Variants in MYZAP observed in about 807,000 individuals in gnomAD.
The protein encoded by MYZAP is GRINL1A complex locus upstream.
MYZAP carries 66 observed loss-of-function variants against 69.4 expected under a neutral mutation model. That is an observed-to-expected ratio of 0.95 (90% CI 0.78 to 1.17). The LOEUF (loss-of-function observed/expected upper bound fraction) is 1.17. Ranked by LOEUF, MYZAP falls within the 50% of genes most tolerant of loss-of-function variation. The pLI is 0.00. For synonymous variants in MYZAP, 256 were observed against 205.9 expected (o/e 1.24, Z -2.09); for missense variants, 611 against 556.2 (o/e 1.10, Z -0.99).
Position 57,684,672 on chromosome 15 carries a change from C to T in MYZAP, c.*174C>T, listed in dbSNP as rs2039609388. 2 of 568,506 alleles carry T rather than the reference C, an allele frequency of 3.5e-6. No individual in the cohort carries two copies. Among genetic ancestry groups the T allele is most frequent in the African/African-American group, 3.8e-5 (2 of 53,312 alleles). 35.2% of individuals were successfully genotyped at this position (568,506 alleles called of 1,614,324 possible). Reference sequence around the variant, plus strand: ...GGAAGGAAAGTGAAGGCAGAGTGAGCAGGTAAGAGAGGGATATACAAGGTC... The same window carrying T: ...GGAAGGAAAGTGAAGGCAGAGTGAGTAGGTAAGAGAGGGATATACAAGGTC... On this transcript the variant is annotated 3_prime_UTR_variant, in exon 13 of 13. Transcript: ENST00000267853.
intron 11 of MYZAP, among the ~76,000 whole-genome samples, chr15:57,666,997 T>C: frequency 6.6e-6 from 1 of 152,194 alleles, no homozygotes; most frequent in Non-Finnish European, 1.5e-5. Context: ...TTCATAAGCT[T>C]TCTGAAACTC....
At chr15:57,618,624 G>A (rs1213572960) in intron 3 of MYZAP, among the ~76,000 whole-genome samples, 1 of 152,194 alleles carries the variant, frequency 6.6e-6, no homozygotes, top group Non-Finnish European at 1.5e-5. Flanking sequence ...GCCAATCAAT[G>A]CCATTTCCTT....
intron 10 of MYZAP, among the ~76,000 whole-genome samples, chr15:57,657,416 T>G (rs1313369686): frequency 6.6e-6 from 1 of 152,174 alleles, no homozygotes; most frequent in African/African-American, 2.4e-5. Context: ...AAAACAAACT[T>G]TAACCCTACC....
At position 57,596,981 on chromosome 15, in the gene MYZAP, G is replaced by A. The variant is rs142615290; in HGVS notation, c.75+4872G>A. Among the ~76,000 whole-genome samples, 6 of 152,262 alleles carry A rather than the reference G, an allele frequency of 3.9e-5. No homozygotes were observed. The East Asian group carries it at 1.2e-3, about 29-fold the overall frequency. The stretch of plus-strand genomic sequence containing the variant: ...GAACCACCCCTCCCCAGGCCTGGTG[G>A]AATAGGCAGTTAAAAACAGAAATCT... On this transcript the variant is annotated intron_variant, in intron 1 of 12. Transcript: ENST00000267853.
At chr15:57,626,549 T>C (rs2140416197) in intron 5 of MYZAP, among the ~76,000 whole-genome samples, 1 of 152,206 alleles carries the variant, frequency 6.6e-6, no homozygotes, top group East Asian at 1.9e-4. Flanking sequence ...TGCAAATTAA[T>C]TTGAAAATGT....
At position 57,631,092 on chromosome 15, in the gene MYZAP, G is replaced by A. The variant is rs138633844; in HGVS notation, c.678+1238G>A. 3.5e-3 allele frequency among the ~76,000 whole-genome samples: 536 copies of A among 152,300 alleles called. 2 individuals are homozygous for A. The highest frequency in any genetic ancestry group is 0.012 in the African/African-American group (519 of 41,568). ...TCTAATAGGGCAGCTCTTCTTTTCC[G>A]TGTAAGAGTTACTTTCTCAGTAAGA... is the stretch of plus-strand genomic sequence containing the variant. On this transcript the variant is annotated intron_variant, in intron 6 of 12. Transcript: ENST00000267853.
intron 1 of MYZAP, among the ~76,000 whole-genome samples, chr15:57,595,612 C>T (rs78969052): frequency 2.0e-5 from 3 of 148,868 alleles, no homozygotes; most frequent in African/African-American, 7.4e-5. Flanking sequence ...CGGCACAATA[C>T]TTACTGCCGA....
At chr15:57,592,147 C>T (rs1595838110) in intron 1 of MYZAP, 38 bp downstream of exon 1, 2 of 1,281,866 alleles carry the variant, frequency 1.6e-6, no homozygotes, top group African/African-American at 1.6e-5. Flanking sequence ...CGTCCCGTTC[C>T]CCCATCCCGG....
chr15:57,621,022 A>C (rs1240995888), intron 3 of MYZAP, among the ~76,000 whole-genome samples: 1 of 148,044 alleles, frequency 6.8e-6, no homozygotes, highest in South Asian at 2.1e-4. Flanking sequence ...GATATATTCT[A>C]TATTAATATA....
intron 2 of MYZAP, 133 bp downstream of exon 2, chr15:57,604,488 C>T: frequency 2.3e-6 from 2 of 870,052 alleles, no homozygotes; most frequent in Non-Finnish European, 1.8e-6. Flanking sequence ...CCCTCTCAAC[C>T]TTCCCACCTC....
chr15:57,634,547 G>C (rs1053270769), intron 8 of MYZAP, among the ~76,000 whole-genome samples: 8 of 152,264 alleles, frequency 5.3e-5, no homozygotes, highest in Admixed American at 5.2e-4. Context: ...GGCAGAGGTG[G>C]GGCAGCAAGA....
At chr15:57,678,468 C>G (rs759550881) in intron 12 of MYZAP, among the ~76,000 whole-genome samples, 6 of 152,126 alleles carry the variant, frequency 3.9e-5, no homozygotes, top group Admixed American at 3.9e-4. Flanking sequence ...TAACTAAACC[C>G]AAACTCTGAT....
intron 2 of MYZAP, 60 bp downstream of exon 2, chr15:57,604,415 CT>C: frequency 6.3e-7 from 1 of 1,582,522 alleles, no homozygotes; most frequent in Non-Finnish European, 8.7e-7. Context: ...TTAACCCACT[CT>C]CCCATCTCCT....
intron 12 of MYZAP, among the ~76,000 whole-genome samples, chr15:57,675,337 C>T (rs1238593492): frequency 1.3e-5 from 2 of 152,082 alleles, no homozygotes; most frequent in African/African-American, 4.8e-5. Flanking sequence ...TCCTTCCTTC[C>T]TTCCTTCATT....
chr15:57,661,865 A>G (rs994841265), intron 11 of MYZAP, among the ~76,000 whole-genome samples: 1 of 152,222 alleles, frequency 6.6e-6, no homozygotes, highest in Non-Finnish European at 1.5e-5. Flanking sequence ...ATGTTCATAT[A>G]CATTCCTTAC....
chr15:57,666,817 A>G (rs184868448), intron 11 of MYZAP, among the ~76,000 whole-genome samples: 1 of 152,296 alleles, frequency 6.6e-6, no homozygotes, highest in African/African-American at 2.4e-5. Context: ...CTCTGATTCT[A>G]AAATAAATGT....
intron 7 of MYZAP, among the ~76,000 whole-genome samples, chr15:57,632,839 T>G (rs575114717): frequency 2.0e-5 from 3 of 152,314 alleles, no homozygotes; most frequent in Admixed American, 2.0e-4. Flanking sequence ...AAGCAAACCC[T>G]GGGCTTGCCC....
intron 11 of MYZAP, among the ~76,000 whole-genome samples, chr15:57,672,728 G>A (rs1466958784): frequency 6.6e-6 from 1 of 152,168 alleles, no homozygotes; most frequent in East Asian, 1.9e-4. Flanking sequence ...ACACACCTGT[G>A]TAATGCAATA....
chr15:57,629,172 T>G (rs546434148), intron 5 of MYZAP, among the ~76,000 whole-genome samples: 3 of 151,938 alleles, frequency 2.0e-5, no homozygotes, highest in Admixed American at 2.0e-4. Context: ...CTGATTTCAT[T>G]GTGGCAATTT....
Sources: gnomAD v4.1 joint callset for allele counts (sites outside exome capture counted in the v4.1 genomes callset) on GRCh38, gnomAD v4.1.1 for gene constraint, MANE v1.5 for transcripts, NCBI Gene and HGNC (gene_info 2026-07-23, HGNC 2026-07-21) for gene names.